Variants in KAZN observed in about 807,000 individuals in gnomAD.
KAZN encodes the protein kazrin.
A neutral mutation model predicts 87.4 loss-of-function variants in KAZN; 40 were observed. That is an observed-to-expected ratio of 0.46 (90% CI 0.36 to 0.60). The LOEUF is 0.60. KAZN is among the 20% of genes least tolerant of loss of function. KAZN has a pLI of 0.00. For missense variants in KAZN, 898 were observed against 1,073.9 expected (o/e 0.84, Z 2.29); for synonymous variants, 466 against 458.3 (o/e 1.02, Z -0.22).
intron 1 of KAZN, among the ~76,000 whole-genome samples, chr1:13,932,260 T>A (rs4662048): frequency 0.27 from 4,357 of 16,090 alleles, 181 homozygotes; most frequent in Middle Eastern, 0.45. Flanking sequence ...TATTAAACAT[T>A]TTTTTTTTTT....
At chr1:14,148,011 G>A (rs1645391077) in intron 1 of KAZN, among the ~76,000 whole-genome samples, 1 of 151,870 alleles carries the variant, frequency 6.6e-6, no homozygotes, top group South Asian at 2.1e-4. Flanking sequence ...CTTGAGCCCA[G>A]GAGTTTGAGA....
At chr1:14,930,189 A>C (rs955590332) in intron 1 of KAZN, 21 of 562,450 alleles carry the variant, frequency 3.7e-5, no homozygotes, top group Non-Finnish European at 4.7e-5. Flanking sequence ...AACACCCTCC[A>C]CCTGGCACCA....
intron 1 of KAZN, among the ~76,000 whole-genome samples, chr1:14,824,782 T>A (rs1646836737): frequency 6.6e-6 from 1 of 152,202 alleles, no homozygotes; most frequent in Non-Finnish European, 1.5e-5. Context: ...TCTACGGTAT[T>A]TGCAGCCTTC....
intron 2 of KAZN, among the ~76,000 whole-genome samples, chr1:14,589,785 C>T (rs1676080382): frequency 6.6e-6 from 1 of 152,018 alleles, no homozygotes; most frequent in African/African-American, 2.4e-5. Flanking sequence ...TGAATGGGGG[C>T]TCACGCTGTT....
At chr1:14,480,295 C>A (rs1266914312) in intron 2 of KAZN, among the ~76,000 whole-genome samples, 1 of 152,194 alleles carries the variant, frequency 6.6e-6, no homozygotes, top group African/African-American at 2.4e-5. Flanking sequence ...CAGGTAGCTA[C>A]AGCCAACAAC....
intron 2 of KAZN, among the ~76,000 whole-genome samples, chr1:14,493,315 C>T (rs1036931513): frequency 2.6e-5 from 4 of 152,162 alleles, no homozygotes; most frequent in East Asian, 1.9e-4. Flanking sequence ...GCTGAAAGAA[C>T]GGAAGATGAA....
intron 7 of KAZN, among the ~76,000 whole-genome samples, chr1:15,064,054 A>G (rs1298636193): frequency 2.6e-5 from 4 of 152,240 alleles, no homozygotes; most frequent in African/African-American, 9.6e-5. Flanking sequence ...CCTGGCAGCC[A>G]GCTCTATAAA....
intron 2 of KAZN, among the ~76,000 whole-genome samples, chr1:14,463,977 A>C (rs1003623207): frequency 2.0e-5 from 3 of 152,220 alleles, no homozygotes; most frequent in Non-Finnish European, 4.4e-5. Context: ...CTTAGGCCGT[A>C]TCATTTTCAC....
chr1:14,000,846 G>C (rs769480540), intron 1 of KAZN, among the ~76,000 whole-genome samples: 75 of 151,676 alleles, frequency 4.9e-4, no homozygotes, highest in Non-Finnish European at 2.9e-4. Context: ...GCAGTGGCGG[G>C]ATCTCGGCTC....
At chr1:14,066,690 C>T (rs917675328) in intron 1 of KAZN, among the ~76,000 whole-genome samples, 3 of 152,190 alleles carry the variant, frequency 2.0e-5, no homozygotes, top group African/African-American at 7.2e-5. Flanking sequence ...CTGCCAGGCT[C>T]TTTGGAATGA....
At chr1:15,065,931 TG>T (rs1639193569) in intron 8 of KAZN, 178 bp downstream of exon 8, 1 of 1,430,386 alleles carries the variant, frequency 7.0e-7, no homozygotes, top group African/African-American at 1.5e-5. Context: ...GGGTGCTGGG[TG>T]TGGCCGAGCG....
intron 1 of KAZN, among the ~76,000 whole-genome samples, chr1:14,118,962 G>C (rs1451846062): frequency 4.6e-5 from 7 of 152,098 alleles, no homozygotes; most frequent in Non-Finnish European, 7.3e-5. Context: ...AGTTGTTCCA[G>C]ATTTGCCAGG....
At chr1:14,464,640 G>T (rs928100652) in intron 2 of KAZN, among the ~76,000 whole-genome samples, 2 of 151,952 alleles carry the variant, frequency 1.3e-5, no homozygotes, top group Admixed American at 1.3e-4. Context: ...CTGGGCTCAA[G>T]CAATTCTCCT....
At chr1:14,430,312 T>TG (rs1170242256) in intron 2 of KAZN, among the ~76,000 whole-genome samples, 1 of 152,060 alleles carries the variant, frequency 6.6e-6, no homozygotes, top group Non-Finnish European at 1.5e-5. Flanking sequence ...GTTTGCTGTG[T>TG]GTGTGTTGAG....
chr1:14,997,182 G>C (rs530359069), intron 2 of KAZN, among the ~76,000 whole-genome samples: 1 of 150,822 alleles, frequency 6.6e-6, no homozygotes, highest in African/African-American at 2.4e-5. Flanking sequence ...CACAGACTCT[G>C]TTTTCTTTTC....
chr1:14,704,068 A>C (rs1642075679), intron 1 of KAZN, among the ~76,000 whole-genome samples: 1 of 152,206 alleles, frequency 6.6e-6, no homozygotes, highest in Non-Finnish European at 1.5e-5. Flanking sequence ...AGCAGAAGAA[A>C]GTAGTAGGCT....
At position 14,508,041 on chromosome 1, in the gene KAZN, T is replaced by C. The variant is rs1356255247; in HGVS notation, c.250-90942T>C. ...AAAATCTTCCCAAGACTCTCTCAGATGGACCCAATTCTTGTGACCCCCCAG... is the reference window on the plus strand; with the variant it reads ...AAAATCTTCCCAAGACTCTCTCAGACGGACCCAATTCTTGTGACCCCCCAG... On this transcript the variant is annotated intron_variant, in intron 2 of 16. Coordinates refer to the KAZN transcript ENST00000636203. Among the ~76,000 whole-genome samples the C allele has an allele frequency of 2.0e-5, 3 of 147,970 alleles. 1 individual carries two copies. Among genetic ancestry groups the C allele is most frequent in the South Asian group, 4.3e-4 (2 of 4,662 alleles).
At position 14,238,445 on chromosome 1, in the gene KAZN, G is replaced by T. The variant is rs539711548; in HGVS notation, c.249+57853G>T. 6.6e-5 allele frequency among the ~76,000 whole-genome samples: 10 copies of T among 152,316 alleles called. No homozygotes were observed. In the South Asian group the frequency reaches 2.1e-3, roughly 32 times the overall value. On this transcript the variant is annotated intron_variant, in intron 2 of 16. Transcript: ENST00000636203. Reference sequence around the variant, plus strand: ...TTCCGGCCCTCATATCGAGCCAAGTGAATTCAGTTAACAGGAGTCATTTGG... The same window carrying T: ...TTCCGGCCCTCATATCGAGCCAAGTTAATTCAGTTAACAGGAGTCATTTGG...
chr1:14,188,497 C>G (rs965824475), intron 2 of KAZN, among the ~76,000 whole-genome samples: 1 of 152,000 alleles, frequency 6.6e-6, no homozygotes. Context: ...TAGCTAGATG[C>G]TGGGGACATA....
Sources: allele counts gnomAD v4.1 joint callset (sites outside exome capture counted in the v4.1 genomes callset), GRCh38; gene constraint gnomAD v4.1.1; transcripts MANE v1.5; gene names NCBI Gene and HGNC (gene_info 2026-07-23, HGNC 2026-07-21).